TRIM11: variants seen among roughly 807,000 people sequenced by gnomAD.
TRIM11 encodes the protein tripartite motif containing 11, also known as E3 ubiquitin-protein ligase TRIM11.
TRIM11 carries 15 observed loss-of-function variants against 33.4 expected under a neutral mutation model. The observed-to-expected ratio is 0.45, with a 90% CI of 0.30 to 0.69. TRIM11 has a LOEUF of 0.69. Among genes scored for constraint, TRIM11 ranks in the 30% least tolerant of loss-of-function variants. TRIM11 has a pLI of 0.08. For missense variants in TRIM11, 499 were observed against 667.6 expected (o/e 0.75, Z 2.78); for synonymous variants, 281 against 302.6 (o/e 0.93, Z 0.74).
chr1:228,397,226 C>A, intron 3 of TRIM11, 61 bp from the exon 4 acceptor site: 1 of 1,562,266 alleles, frequency 6.4e-7, no homozygotes, highest in Non-Finnish European at 8.7e-7. Context: ...TCCTGGAGTC[C>A]CCTCCCCGCC....
intron 1 of TRIM11, 171 bp from the exon 2 acceptor site, chr1:228,402,332 G>A (rs1031441611): frequency 1.7e-5 from 9 of 522,252 alleles, no homozygotes; most frequent in Admixed American, 3.7e-5. Context: ...CATGGTAGGT[G>A]GGCAGCCTCT....
rs371952104 is a variant in TRIM11, at chr1:228,396,990, C to T, written c.816G>A (p.Val272=). ...TCTCTACCAGTCCCGGGACCCTGCA[C>T]ACGGTCCTCAGCTCCATAGGCACAA... ...PEVVPMELRT[V]CRVPGLVETL... is the part of the protein sequence containing the mutation. Residue 272 remains valine (V), a synonymous_variant, in exon 5 of 6, where the codon GTG becomes GTA. Coordinates refer to ENST00000284551, the MANE Select transcript of TRIM11 (RefSeq NM_145214.3). 4 of 1,614,130 alleles carry T rather than the reference C, an allele frequency of 2.5e-6. No individual in the cohort carries two copies. Among genetic ancestry groups the T allele is most frequent in the Non-Finnish European group, 2.5e-6 (3 of 1,180,012 alleles).
Position 228,406,411 on chromosome 1 carries a change from ACGGG to A in TRIM11, c.147_150del (p.Pro50ThrfsTer168), listed in dbSNP as rs779048200. On this transcript the variant is annotated frameshift_variant, in exon 1 of 6. Coordinates refer to ENST00000284551, the MANE Select transcript of TRIM11 (RefSeq NM_145214.3). LOFTEE classifies it high-confidence loss of function. The surrounding 1 kb of genome is among the most constrained non-coding windows in gnomAD (Gnocchi z 8.2). ...AGCTCGCGGCACTCGGGGCACGCGT[ACGGG>A]CCCTCGGGCTGGCCCCAGCAGCGCC... is the stretch of plus-strand genomic sequence containing the variant. 1.3e-6 allele frequency: 2 copies of A among 1,574,816 alleles called. No homozygotes were observed. Among genetic ancestry groups the A allele is most frequent in the Non-Finnish European group, 1.7e-6 (2 of 1,166,170 alleles).
At chr1:228,402,387 T>C (rs1475330917) in intron 1 of TRIM11, 3 of 440,924 alleles carry the variant, frequency 6.8e-6, no homozygotes, top group Non-Finnish European at 1.2e-5. Flanking sequence ...CTTTTTCTCA[T>C]ATGGGGCATT....
rs150299116 is a variant in TRIM11 at position 228,400,225 on chromosome 1, A to C, written c.735+739T>G. 4.8e-3 allele frequency among the ~76,000 whole-genome samples: 724 copies of C among 152,370 alleles called. 5 individuals carry two copies. Among genetic ancestry groups the C allele is most frequent in the African/African-American group, 0.017 (690 of 41,596 alleles). On this transcript the variant is annotated intron_variant, in intron 3 of 5. Transcript: ENST00000284551. This position sits in a 1 kb window ranked among gnomAD's most constrained non-coding sequence, Gnocchi z 4.5. ...GGAACACGTTCTCCATTTTGTGGGA[A>C]AAACATCCAGCTGAACCCCACGGGA... is the stretch of plus-strand genomic sequence containing the variant.
In TRIM11 at chr1:228,406,566, C is replaced by T; in HGVS notation, c.-5G>A. 6.6e-7 allele frequency: 1 copy of T among 1,508,734 alleles called. No individual in the cohort carries two copies. The highest frequency in any genetic ancestry group is 8.9e-7 in the Non-Finnish European group (1 of 1,124,338). 93.5% of individuals were successfully genotyped at this position (1,508,734 alleles called of 1,614,324 possible). On this transcript the variant is annotated 5_prime_UTR_variant, in exon 1 of 6. Coordinates refer to ENST00000284551, the MANE Select transcript of TRIM11 (RefSeq NM_145214.3). This position sits in a 1 kb window ranked among gnomAD's most constrained non-coding sequence, Gnocchi z 8.2. ...GGACAGGTCGGGGGCGGCCATGGCGCGGACAGAGGGGAGGAAGGCGGTACT... is the reference window on the plus strand; with the variant it reads ...GGACAGGTCGGGGGCGGCCATGGCGTGGACAGAGGGGAGGAAGGCGGTACT...
Position 228,402,034 on chromosome 1 carries a change from C to T in TRIM11, c.504+32G>A, listed in dbSNP as rs201389276. On this transcript the variant is annotated intron_variant, in intron 2 of 5. Coordinates refer to ENST00000284551, the MANE Select transcript of TRIM11 (RefSeq NM_145214.3). ...TACAGGACCTTCACCCCCTACCCTG[C>T]CACCCAGGACCCTGGGAGCCCCAGC... 4.0e-5 allele frequency: 63 copies of T among 1,588,274 alleles called. 1 individual carries two copies. In the East Asian group the frequency reaches 1.3e-3, roughly 34 times the overall value.
rs748502582 is a variant in TRIM11 at position 228,400,001 on chromosome 1, G to A, written c.735+963C>T. 4.6e-5 allele frequency among the ~76,000 whole-genome samples: 7 copies of A among 151,956 alleles called. No individual in the cohort carries two copies. Among genetic ancestry groups the A allele is most frequent in the East Asian group, 1.9e-4 (1 of 5,180 alleles). On this transcript the variant is annotated intron_variant, in intron 3 of 5. Coordinates refer to ENST00000284551, the MANE Select transcript of TRIM11 (RefSeq NM_145214.3). The surrounding 1 kb of genome is among the most constrained non-coding windows in gnomAD (Gnocchi z 4.5). ...GATGTTCTGCTGGGCTCCAGAGGCC[G>A]GCAGCAGGTCACCCCCTGTGCAAAG... is the stretch of plus-strand genomic sequence containing the variant.
chr1:228,400,979 A>T lies in TRIM11; in HGVS notation c.720T>A (p.Ala240=), dbSNP rs11555960. Residue 240 remains alanine, a synonymous_variant, in exon 3 of 6, where the codon GCT becomes GCA. Coordinates refer to ENST00000284551, the MANE Select transcript of TRIM11 (RefSeq NM_145214.3). This position sits in a 1 kb window ranked among gnomAD's most constrained non-coding sequence, Gnocchi z 4.5. ...AELEGRCQLP[A]LGLLQDIKDA... is the part of the protein sequence containing the mutation. Reference sequence around the variant, plus strand: ...CCCAGCTCACCTGCAGCAGCCCCAGAGCAGGCAGCTGGCAGCGGCCCTCGA... The same window carrying T: ...CCCAGCTCACCTGCAGCAGCCCCAGTGCAGGCAGCTGGCAGCGGCCCTCGA... 2.5e-6 allele frequency: 4 copies of T among 1,580,118 alleles called. No homozygotes were observed. Among genetic ancestry groups the T allele is most frequent in the Admixed American group, 1.7e-5 (1 of 57,700 alleles).
Position 228,401,167 on chromosome 1 carries a change from C to G in TRIM11, c.532G>C (p.Val178Leu). 1.9e-6 allele frequency: 3 copies of G among 1,613,382 alleles called. No individual in the cohort carries two copies. The highest frequency in any genetic ancestry group is 2.5e-6 in the Non-Finnish European group (3 of 1,179,822). The change falls in exon 3 of 6, where the codon GTG becomes CTG. Residue 178 changes from valine to leucine, a missense_variant. Transcript: ENST00000284551. This position sits in a 1 kb window ranked among gnomAD's most constrained non-coding sequence, Gnocchi z 6.1. Reference protein sequence around the residue: ...QKMVESQRQNVLGEFERLRRL... With the variant: ...QKMVESQRQNLLGEFERLRRL... ...CGAAGACGCTCGAACTCACCCAGCA[C>G]GTTCTGCCGCTGGCTCTCCACCATC... is the stretch of plus-strand genomic sequence containing the variant.
chr1:228,398,570 A>G (rs1168635992), intron 3 of TRIM11, among the ~76,000 whole-genome samples: 55 of 152,154 alleles, frequency 3.6e-4, no homozygotes, highest in Non-Finnish European at 5.9e-5. Flanking sequence ...AGTCATAATC[A>G]CATCACTGTA....
Position 228,394,109 on chromosome 1 carries a change from G to C in TRIM11, c.*596C>G, listed in dbSNP as rs1369725588. 1 of 152,492 alleles carries C rather than the reference G, an allele frequency of 6.6e-6. No homozygotes were observed. The highest frequency in any genetic ancestry group is 2.4e-5 in the African/African-American group (1 of 41,468). The allele number at this position is 152,492 out of a possible 1,614,324, so 9.4% of individuals were successfully genotyped here. A position where few individuals can be genotyped will look rare whatever the true frequency, so the allele number is the denominator to read the frequency against. ...ACCTCCCAGAAGCCCCTTTATTATA[G>C]GACATCTACTCTCTGTTCCTGTCCT... On this transcript the variant is annotated 3_prime_UTR_variant, in exon 6 of 6. Coordinates refer to ENST00000284551, the MANE Select transcript of TRIM11 (RefSeq NM_145214.3). The surrounding 1 kb of genome is among the most constrained non-coding windows in gnomAD (Gnocchi z 6.2).
rs374575971 is a variant in TRIM11, at chr1:228,401,153, G to A, written c.546C>T (p.Phe182=). The A allele has an allele frequency of 5.5e-5, 89 of 1,613,554 alleles. No individual in the cohort carries two copies. Among genetic ancestry groups the A allele is most frequent in the South Asian group, 1.5e-4 (14 of 91,088 alleles). The change falls in exon 3 of 6, where the codon TTC becomes TTT. Residue 182 remains phenylalanine, a synonymous_variant. Coordinates refer to ENST00000284551, the MANE Select transcript of TRIM11 (RefSeq NM_145214.3). The surrounding 1 kb of genome is among the most constrained non-coding windows in gnomAD (Gnocchi z 6.1). ...CTGCCAGCAAACGGCGAAGACGCTC[G>A]AACTCACCCAGCACGTTCTGCCGCT... ...ESQRQNVLGE[F]ERLRRLLAEE...
rs755893907 is a variant in TRIM11, at chr1:228,400,938, C to G, written c.735+26G>C. On this transcript the variant is annotated intron_variant, in intron 3 of 5. Transcript: ENST00000284551. This position sits in a 1 kb window ranked among gnomAD's most constrained non-coding sequence, Gnocchi z 4.5. Reference sequence around the variant, plus strand: ...TGGCCAGGCCATGCCCGTGTGGCCACCATGGCTGCTCCCCGCCCAGCTCAC... The same window carrying G: ...TGGCCAGGCCATGCCCGTGTGGCCAGCATGGCTGCTCCCCGCCCAGCTCAC... 8 of 1,523,880 alleles carry G rather than the reference C, an allele frequency of 5.2e-6. No individual in the cohort carries two copies. In the East Asian group the frequency reaches 1.4e-4, roughly 27 times the overall value. 94.4% of individuals were successfully genotyped at this position (1,523,880 alleles called of 1,614,324 possible).
At position 228,400,334 on chromosome 1, in the gene TRIM11, C is replaced by T. The variant is rs1373811210; in HGVS notation, c.735+630G>A. Among the ~76,000 whole-genome samples the T allele has an allele frequency of 1.3e-5, 2 of 152,240 alleles. No homozygotes were observed. The highest frequency in any genetic ancestry group is 2.4e-5 in the African/African-American group (1 of 41,458). On this transcript the variant is annotated intron_variant, in intron 3 of 5. Coordinates refer to ENST00000284551, the MANE Select transcript of TRIM11 (RefSeq NM_145214.3). The surrounding 1 kb of genome is among the most constrained non-coding windows in gnomAD (Gnocchi z 4.5). ...TCCTCATCAGTGCACGCTTGCCAAG[C>T]GGAGAGAGCTGACTCCAGGCCCCCT...
intron 1 of TRIM11, chr1:228,402,365 CCA>C: frequency 4.1e-6 from 2 of 486,830 alleles, no homozygotes; most frequent in East Asian, 7.4e-5. Flanking sequence ...ACAGCCCCAG[CCA>C]CATTCTTTCC....
rs1558446064 is a variant in TRIM11 at position 228,397,156 on chromosome 1, C to T, written c.745G>A (p.Asp249Asn). The T allele has an allele frequency of 6.2e-7, 1 of 1,613,446 alleles. No individual in the cohort carries two copies. The highest frequency in any genetic ancestry group is 1.7e-5 in the Admixed American group (1 of 59,996). Residue 249 changes from aspartate (D) to asparagine (N), a missense_variant, in exon 4 of 6, where the codon GAC becomes AAC. Coordinates refer to ENST00000284551, the MANE Select transcript of TRIM11 (RefSeq NM_145214.3). ...PALGLLQDIKDALRRVQDVKL... is the reference protein window; with the variant it reads ...PALGLLQDIKNALRRVQDVKL... ...CTGGGTTCGTACCTGCGCAGGGCGT[C>T]CTTGATGTCCTATGTGGGGAGGAGA...
At position 228,406,095 on chromosome 1, in the gene TRIM11, A is replaced by C; in HGVS notation, c.408+59T>G. Reference sequence around the variant, plus strand: ...AGTCCCCCAAACCTCCCACCCGCCCAGGCCTCCCCAGTCCCCGGCTCCCCG... The same window carrying C: ...AGTCCCCCAAACCTCCCACCCGCCCCGGCCTCCCCAGTCCCCGGCTCCCCG... On this transcript the variant is annotated intron_variant, in intron 1 of 5. Transcript: ENST00000284551. The surrounding 1 kb of genome is among the most constrained non-coding windows in gnomAD (Gnocchi z 8.2). 716 of 476,576 alleles carry C rather than the reference A, an allele frequency of 1.5e-3. No individual in the cohort carries two copies. Among genetic ancestry groups the C allele is most frequent in the Non-Finnish European group, 2.1e-3 (643 of 312,974 alleles). 29.5% of individuals were successfully genotyped at this position (476,576 alleles called of 1,614,324 possible).
At position 228,400,206 on chromosome 1, in the gene TRIM11, C is replaced by T. The variant is rs1387675899; in HGVS notation, c.735+758G>A. Among the ~76,000 whole-genome samples, 4 of 152,282 alleles carry T rather than the reference C, an allele frequency of 2.6e-5. No homozygotes were observed. Among genetic ancestry groups the T allele is most frequent in the Non-Finnish European group, 4.4e-5 (3 of 68,050 alleles). ...TCTACACCATGCTGGGCATGGAACA[C>T]GTTCTCCATTTTGTGGGAAAAACAT... On this transcript the variant is annotated intron_variant, in intron 3 of 5. Transcript: ENST00000284551. The surrounding 1 kb of genome is among the most constrained non-coding windows in gnomAD (Gnocchi z 4.5).
Sources: allele counts gnomAD v4.1 joint callset (sites outside exome capture counted in the v4.1 genomes callset), GRCh38; gene constraint gnomAD v4.1.1; non-coding constraint Gnocchi (gnomAD v3.1); transcripts MANE v1.5; gene names NCBI Gene and HGNC (gene_info 2026-07-23, HGNC 2026-07-21).